PIWIL2: variants seen among roughly 807,000 people sequenced by gnomAD.
The protein encoded by PIWIL2 is piwi-like protein 2.
A neutral mutation model predicts 116.5 loss-of-function variants in PIWIL2; 81 were observed. That is an observed-to-expected ratio of 0.70 (90% CI 0.58 to 0.84). PIWIL2 has a LOEUF of 0.84. Ranked by LOEUF, PIWIL2 falls within the 40% of genes least tolerant of loss-of-function variation. PIWIL2 has a pLI of 0.00. For synonymous variants in PIWIL2, 489 were observed against 429.5 expected (o/e 1.14, Z -1.71); for missense variants, 1,272 against 1,212.3 (o/e 1.05, Z -0.73).
chr8:22,294,245 C>T (rs1046220040), intron 10 of PIWIL2, among the ~76,000 whole-genome samples: 27 of 146,060 alleles, frequency 1.8e-4, no homozygotes, highest in Admixed American at 5.0e-4. Context: ...GGCGGAGGCA[C>T]GAGAATCGCT....
At chr8:22,355,119 A>G (rs561219382) in intron 22 of PIWIL2, among the ~76,000 whole-genome samples, 7 of 152,026 alleles carry the variant, frequency 4.6e-5, no homozygotes, top group Non-Finnish European at 7.4e-5. Flanking sequence ...AAACAGGGAA[A>G]TGCCTCAATT....
At chr8:22,354,830 G>A (rs1563439881) in intron 22 of PIWIL2, among the ~76,000 whole-genome samples, 1 of 152,228 alleles carries the variant, frequency 6.6e-6, no homozygotes, top group Non-Finnish European at 1.5e-5. Context: ...AGCACTTTGG[G>A]AGGCTGAGGC....
intron 1 of PIWIL2, 104 bp downstream of exon 1, chr8:22,275,502 GCC>G (rs1342331219): frequency 6.6e-6 from 1 of 152,320 alleles, no homozygotes; most frequent in Non-Finnish European, 1.5e-5. Context: ...GCCCTCCCGG[GCC>G]TCTCCCCTCC....
intron 20 of PIWIL2, among the ~76,000 whole-genome samples, chr8:22,348,646 C>T (rs1216575338): frequency 2.0e-5 from 3 of 152,136 alleles, no homozygotes; most frequent in Non-Finnish European, 2.9e-5. Context: ...TGGCACATCC[C>T]TGTAGTCCCA....
chr8:22,312,001 C>G (rs550807061), intron 16 of PIWIL2, among the ~76,000 whole-genome samples: 1 of 152,092 alleles, frequency 6.6e-6, no homozygotes, highest in African/African-American at 2.4e-5. Context: ...CAGTGGCTCA[C>G]GCCTGGAATT....
rs1457559491 is a variant in PIWIL2 at position 22,354,506 on chromosome 8, G to C, written c.2765+128G>C. On this transcript the variant is annotated intron_variant, in intron 22 of 22. Transcript: ENST00000356766. ...TTTCTTCATATCTTTGACAATTATG[G>C]TGTCTTTTTGAGGAGAGATTGGAAA... The C allele has an allele frequency of 5.5e-6, 3 of 547,026 alleles. No individual in the cohort carries two copies. The East Asian group carries it at 8.9e-5, about 16-fold the overall frequency. The allele number at this position is 547,026 out of a possible 1,614,324, so 33.9% of individuals were successfully genotyped here.
chr8:22,279,643 G>T, intron 2 of PIWIL2, 59 bp downstream of exon 2: 2 of 1,493,164 alleles, frequency 1.3e-6, no homozygotes, highest in Non-Finnish European at 9.3e-7. Flanking sequence ...GCCGTCAGAG[G>T]AAGTAATGGA....
intron 5 of PIWIL2, 83 bp downstream of exon 5, chr8:22,283,323 T>C: frequency 9.2e-7 from 1 of 1,089,522 alleles, no homozygotes; most frequent in Non-Finnish European, 1.4e-6. Flanking sequence ...TTGTAAAATC[T>C]GTTTGTGTTG....
intron 10 of PIWIL2, among the ~76,000 whole-genome samples, chr8:22,299,417 A>G (rs1465040213): frequency 6.6e-6 from 1 of 152,142 alleles, no homozygotes; most frequent in Non-Finnish European, 1.5e-5. Flanking sequence ...CATGGTGGTC[A>G]GACTGGTCTT....
intron 4 of PIWIL2, among the ~76,000 whole-genome samples, chr8:22,281,971 CTG>C (rs992509273): frequency 6.6e-6 from 1 of 151,218 alleles, no homozygotes; most frequent in Non-Finnish European, 1.5e-5. Context: ...CGAGGTTTCA[CTG>C]TGTTCGCCAG....
At chr8:22,326,153 G>A (rs766868822) in intron 20 of PIWIL2, among the ~76,000 whole-genome samples, 1 of 151,742 alleles carries the variant, frequency 6.6e-6, no homozygotes, top group Non-Finnish European at 1.5e-5. Flanking sequence ...AGTTCCCCTC[G>A]CCTTCCCAGC....
At chr8:22,346,552 A>G (rs1440331906) in intron 20 of PIWIL2, among the ~76,000 whole-genome samples, 1 of 152,188 alleles carries the variant, frequency 6.6e-6, no homozygotes, top group Admixed American at 6.5e-5. Flanking sequence ...AGACAGTCTT[A>G]AGCTCACATG....
At position 22,313,373 on chromosome 8, in the gene PIWIL2, C is replaced by G. The variant is rs1309519875; in HGVS notation, c.1990-955C>G. Among the ~76,000 whole-genome samples, 3 of 152,152 alleles carry G rather than the reference C, an allele frequency of 2.0e-5. No individual in the cohort carries two copies. The East Asian group carries it at 5.8e-4, about 29-fold the overall frequency. On this transcript the variant is annotated intron_variant, in intron 16 of 22. Coordinates refer to ENST00000356766, the MANE Select transcript of PIWIL2 (RefSeq NM_018068.5). ...GATTGCCAAAATGATTCTTAATGTGCTTGTTTGTTGGTAAAGGCCAAAAAC... is the reference window on the plus strand; with the variant it reads ...GATTGCCAAAATGATTCTTAATGTGGTTGTTTGTTGGTAAAGGCCAAAAAC...
chr8:22,310,370 C>T (rs750243794), intron 15 of PIWIL2, among the ~76,000 whole-genome samples: 7 of 151,994 alleles, frequency 4.6e-5, no homozygotes, highest in African/African-American at 1.4e-4. Flanking sequence ...TCTTTTTCCC[C>T]GGGAGTATCT....
chr8:22,283,007 T>C (rs1028822262), intron 4 of PIWIL2, 27 bp from the exon 5 acceptor site: 30 of 1,581,740 alleles, frequency 1.9e-5, no homozygotes, highest in African/African-American at 2.7e-5. Context: ...TAAAAAACCC[T>C]GATTTGCCTC....
intron 22 of PIWIL2, among the ~76,000 whole-genome samples, chr8:22,355,114 G>A (rs1010097802): frequency 1.3e-4 from 19 of 150,580 alleles, no homozygotes; most frequent in Non-Finnish European, 2.4e-4. Flanking sequence ...AAAAAAAACA[G>A]GGAAATGCCT....
In PIWIL2 at chr8:22,281,876, A is replaced by G. The variant is rs138778117; in HGVS notation, c.425+361A>G. Among the ~76,000 whole-genome samples the G allele has an allele frequency of 2.8e-3, 412 of 149,222 alleles. 1 individual carries two copies. The highest frequency in any genetic ancestry group is 9.2e-3 in the African/African-American group (373 of 40,422). On this transcript the variant is annotated intron_variant, in intron 4 of 22. Transcript: ENST00000356766. ...AACCTCCGCCTCCCAGGTTCAAGCA[A>G]TTCTCCTGCCTCAGCCTCCCAGGTG...
At chr8:22,327,907 C>T (rs192579698) in intron 20 of PIWIL2, among the ~76,000 whole-genome samples, 1 of 152,260 alleles carries the variant, frequency 6.6e-6, no homozygotes, top group Admixed American at 6.5e-5. Context: ...TTTAGATTTT[C>T]ACTTGCTTGA....
intron 10 of PIWIL2, among the ~76,000 whole-genome samples, chr8:22,298,941 G>A (rs1400300124): frequency 6.6e-6 from 1 of 152,158 alleles, no homozygotes; most frequent in South Asian, 2.1e-4. Flanking sequence ...ACGTTGATTA[G>A]TTGGCTTGCA....
Sources: gnomAD v4.1 joint callset for allele counts (sites outside exome capture counted in the v4.1 genomes callset) on GRCh38, gnomAD v4.1.1 for gene constraint, MANE v1.5 for transcripts, NCBI Gene and HGNC (gene_info 2026-07-23, HGNC 2026-07-21) for gene names.